The following ZNF804B variants were observed in gnomAD, a reference collection of about 807,000 sequenced individuals.
The protein encoded by ZNF804B is zinc finger protein 804B.
In ZNF804B, 80 loss-of-function variants were observed where a neutral mutation model predicts 101.4. The ratio of observed to expected loss-of-function variants is 0.79; its 90% CI spans 0.66 to 0.95. The LOEUF (loss-of-function observed/expected upper bound fraction) is 0.95, where lower values mean the gene tolerates loss of function less well. Among genes scored for constraint, ZNF804B ranks in the 40% least tolerant of loss-of-function variants. The pLI is 0.00. For synonymous variants in ZNF804B, 622 were observed against 558.8 expected, an observed-to-expected ratio of 1.11 and a Z score of -1.59; for missense variants, 1,673 against 1,561.9, an observed-to-expected ratio of 1.07 and a Z score of -1.20.
At position 88,909,689 on chromosome 7, in the gene ZNF804B, A is replaced by G. The variant is rs73395327; in HGVS notation, c.108+149605A>G. Among the ~76,000 whole-genome samples, 375 of 151,462 alleles carry G rather than the reference A, an allele frequency of 2.5e-3. 2 individuals are homozygous for G. Among genetic ancestry groups the G allele is most frequent in the African/African-American group, 9.0e-3 (371 of 41,402 alleles). On this transcript the variant is annotated intron_variant, in intron 1 of 3. Transcript: ENST00000333190. Reference sequence around the variant, plus strand: ...TGCCTTGTTAATGCTCTTATTTCCTAGCAATCAATTTAGTTTGATTGATAT... The same window carrying G: ...TGCCTTGTTAATGCTCTTATTTCCTGGCAATCAATTTAGTTTGATTGATAT...
At chr7:89,024,589 A>G (rs1788718281) in intron 1 of ZNF804B, among the ~76,000 whole-genome samples, 1 of 141,332 alleles carries the variant, frequency 7.1e-6, no homozygotes, top group Non-Finnish European at 1.5e-5. Flanking sequence ...TTGCTAAGAA[A>G]GCTATTACTT....
chr7:88,854,414 C>CCTTTCTTCCTTCCTTTCTTT (rs1791502773), intron 1 of ZNF804B, among the ~76,000 whole-genome samples: 1 of 57,076 alleles, frequency 1.8e-5, no homozygotes, highest in African/African-American at 6.3e-5. Flanking sequence ...TTTCTTTCTT[C>CCTTTCTTCCTTCCTTTCTTT]CTTTCTTTCT....
intron 1 of ZNF804B, among the ~76,000 whole-genome samples, chr7:88,812,107 C>T (rs2115736821): frequency 6.6e-6 from 1 of 152,280 alleles, no homozygotes; most frequent in East Asian, 1.9e-4. Context: ...AGGAGTGGTA[C>T]AACCTTTCTT....
intron 1 of ZNF804B, among the ~76,000 whole-genome samples, chr7:88,907,851 A>C (rs1792496112): frequency 6.6e-6 from 1 of 152,026 alleles, no homozygotes; most frequent in Non-Finnish European, 1.5e-5. Flanking sequence ...TAGCCGACTT[A>C]ATTCATTCAG....
At chr7:88,998,385 A>G (rs962293717) in intron 1 of ZNF804B, among the ~76,000 whole-genome samples, 3 of 152,088 alleles carry the variant, frequency 2.0e-5, no homozygotes, top group African/African-American at 7.2e-5. Flanking sequence ...ATGTGCATAA[A>G]TGACATTGGA....
rs187476906 is a variant in ZNF804B at position 89,140,812 on chromosome 7, A to G, written c.109-77343A>G. 4.8e-3 allele frequency among the ~76,000 whole-genome samples: 735 copies of G among 152,000 alleles called. 8 individuals are homozygous for G. Among genetic ancestry groups the G allele is most frequent in the Non-Finnish European group, 5.4e-3 (370 of 67,978 alleles). On this transcript the variant is annotated intron_variant, in intron 1 of 3. Coordinates refer to ENST00000333190, the MANE Select transcript of ZNF804B (RefSeq NM_181646.5). ...TTGTCATTCATGTGTTCATTGTAGG[A>G]GAACTTTTAATTTTCTTCAATAATT...
intron 1 of ZNF804B, among the ~76,000 whole-genome samples, chr7:89,122,092 T>C (rs78418267): frequency 0.022 from 3,271 of 151,936 alleles, 122 homozygotes; most frequent in African/African-American, 0.075. Flanking sequence ...AAACTACTTA[T>C]TTATATAGTT....
At chr7:89,022,185 C>T (rs1030591946) in intron 1 of ZNF804B, among the ~76,000 whole-genome samples, 2 of 152,142 alleles carry the variant, frequency 1.3e-5, no homozygotes, top group African/African-American at 4.8e-5. Flanking sequence ...ACCACAGGGA[C>T]CTCTCATCTC....
intron 1 of ZNF804B, among the ~76,000 whole-genome samples, chr7:89,217,197 A>G (rs564042156): frequency 6.6e-6 from 1 of 152,354 alleles, no homozygotes; most frequent in African/African-American, 2.4e-5. Context: ...AGGAAAATAT[A>G]GAAGCAGGGT....
chr7:89,199,659 C>T (rs978567141), intron 1 of ZNF804B, among the ~76,000 whole-genome samples: 2 of 151,754 alleles, frequency 1.3e-5, no homozygotes, highest in Non-Finnish European at 2.9e-5. Flanking sequence ...GACTCCAGAA[C>T]GATACTCCTA....
intron 1 of ZNF804B, among the ~76,000 whole-genome samples, chr7:88,928,832 G>T (rs952709319): frequency 6.6e-6 from 1 of 151,996 alleles, no homozygotes; most frequent in East Asian, 1.9e-4. Flanking sequence ...CAGCTCTGAG[G>T]TTATCACTGC....
chr7:88,969,602 A>C (rs549353982), intron 1 of ZNF804B, among the ~76,000 whole-genome samples: 1 of 151,782 alleles, frequency 6.6e-6, no homozygotes, highest in African/African-American at 2.4e-5. Context: ...CAAACTGTTT[A>C]CTTCTAACAT....
intron 1 of ZNF804B, among the ~76,000 whole-genome samples, chr7:88,910,175 C>T (rs1321284172): frequency 2.0e-5 from 3 of 151,842 alleles, no homozygotes; most frequent in Admixed American, 6.6e-5. Context: ...GCAAGCTTAA[C>T]CTGAACATCA....
intron 2 of ZNF804B, among the ~76,000 whole-genome samples, chr7:89,256,959 T>A (rs1209253503): frequency 2.0e-5 from 3 of 152,206 alleles, no homozygotes; most frequent in Admixed American, 2.0e-4. Flanking sequence ...TCATTTATGA[T>A]AGATATAAGA....
chr7:89,109,089 A>G (rs1009361042), intron 1 of ZNF804B, among the ~76,000 whole-genome samples: 1 of 150,284 alleles, frequency 6.7e-6, no homozygotes, highest in African/African-American at 2.4e-5. Context: ...TCAATAAAGG[A>G]GAAAAATTTT....
intron 1 of ZNF804B, among the ~76,000 whole-genome samples, chr7:89,142,975 A>G (rs769639931): frequency 1.8e-4 from 27 of 151,964 alleles, no homozygotes; most frequent in Non-Finnish European, 7.4e-5. Context: ...GAGCAGACCT[A>G]TTTCTGTGAA....
At chr7:89,017,150 T>C (rs1257308199) in intron 1 of ZNF804B, among the ~76,000 whole-genome samples, 2 of 152,196 alleles carry the variant, frequency 1.3e-5, no homozygotes, top group African/African-American at 2.4e-5. Flanking sequence ...CTGCTATTGG[T>C]GTATAAGAAT....
intron 2 of ZNF804B, among the ~76,000 whole-genome samples, chr7:89,227,614 A>G (rs1789115136): frequency 6.6e-6 from 1 of 152,226 alleles, no homozygotes; most frequent in South Asian, 2.1e-4. Flanking sequence ...TAGCATTTTC[A>G]TTAGGGGTTT....
intron 1 of ZNF804B, among the ~76,000 whole-genome samples, chr7:89,150,449 A>G (rs1409710600): frequency 6.6e-6 from 1 of 152,098 alleles, no homozygotes; most frequent in African/African-American, 2.4e-5. Context: ...TTGTCTTGTT[A>G]GAAAAAGCAT....
Sources: gnomAD v4.1 joint callset for allele counts (sites outside exome capture counted in the v4.1 genomes callset) on GRCh38, gnomAD v4.1.1 for gene constraint, MANE v1.5 for transcripts, NCBI Gene and HGNC (gene_info 2026-07-23, HGNC 2026-07-21) for gene names.